MGST2: variants seen among roughly 807,000 people sequenced by gnomAD.
MGST2 encodes the protein glutathione peroxidase MGST2.
Under a neutral mutation model 16.6 loss-of-function variants are expected in MGST2, and 9 were observed. That is an observed-to-expected ratio of 0.54 (90% CI 0.33 to 0.95). MGST2 has a LOEUF of 0.95. Ranked by LOEUF, MGST2 falls within the 40% of genes least tolerant of loss-of-function variation. The probability of loss-of-function intolerance (pLI) is 0.03; values close to 1 mark genes in which losing one functional copy is unlikely to be tolerated. For synonymous variants in MGST2, 79 were observed against 68.0 expected (o/e 1.16, Z -0.79); for missense variants, 159 against 175.1 (o/e 0.91, Z 0.52).
At chr4:139,727,824 C>T (rs1382562310) in intron 5 of MGST2, among the ~76,000 whole-genome samples, 3 of 152,172 alleles carry the variant, frequency 2.0e-5, no homozygotes, top group Non-Finnish European at 4.4e-5. Context: ...TTTCAGGAAA[C>T]CCAAAATCTG....
At chr4:139,696,056 A>C (rs1262245438) in intron 3 of MGST2, among the ~76,000 whole-genome samples, 1 of 152,218 alleles carries the variant, frequency 6.6e-6, no homozygotes, top group Non-Finnish European at 1.5e-5. Context: ...GGAAAAGAAA[A>C]TGTTATTAAA....
Position 139,704,196 on chromosome 4 carries a change from G to A in MGST2, c.*48G>A. 6.3e-7 allele frequency: 1 copy of A among 1,592,220 alleles called. No individual in the cohort carries two copies. Among genetic ancestry groups the A allele is most frequent in the Non-Finnish European group, 8.6e-7 (1 of 1,160,182 alleles). ...TTGCAGAAGCTGTTCCCACCATGAA[G>A]GTAATATGGTATCATTTGTTAAATA... On this transcript the variant is annotated 3_prime_UTR_variant, in exon 5 of 5. Transcript: ENST00000265498.
At chr4:139,726,549 A>C (rs548636305) in intron 5 of MGST2, among the ~76,000 whole-genome samples, 1 of 152,296 alleles carries the variant, frequency 6.6e-6, no homozygotes, top group Admixed American at 6.5e-5. Flanking sequence ...CTGAGTTGAA[A>C]GGGACAAGCA....
chr4:139,732,654 A>G lies in MGST2; in HGVS notation c.*49-7558A>G, dbSNP rs931163825. 7.9e-5 allele frequency among the ~76,000 whole-genome samples: 12 copies of G among 151,638 alleles called. No individual in the cohort carries two copies. The East Asian group carries it at 1.7e-3, about 22-fold the overall frequency. On this transcript the variant is annotated intron_variant, in intron 5 of 5. Coordinates refer to the MGST2 transcript ENST00000616265. ...ACTTAAAATTAAAAAAAAAATTTCCATAAGTTATCGGGGTACAGGTGGTAT... is the reference window on the plus strand; with the variant it reads ...ACTTAAAATTAAAAAAAAAATTTCCGTAAGTTATCGGGGTACAGGTGGTAT...
At chr4:139,746,319 G>C in the MGST2 span, among the ~76,000 whole-genome samples, 1 of 152,168 alleles carries the variant, frequency 6.6e-6, no homozygotes, top group Non-Finnish European at 1.5e-5. Context: ...CAACCAGTTG[G>C]ACTGTTGAAA....
At chr4:139,666,448 C>T (rs1316061480) in intron 1 of MGST2, among the ~76,000 whole-genome samples, 5 of 152,072 alleles carry the variant, frequency 3.3e-5, no homozygotes, top group South Asian at 4.1e-4. Context: ...TACAAGTGTT[C>T]CAAAGGAAAC....
intron 5 of MGST2, among the ~76,000 whole-genome samples, chr4:139,716,356 A>ATTAC (rs765945867): frequency 3.9e-5 from 6 of 152,120 alleles, no homozygotes; most frequent in Non-Finnish European, 7.4e-5. Flanking sequence ...AAGAACCTTT[A>ATTAC]TTACTTCCCC....
chr4:139,713,391 ACCT>A (rs1193014604), intron 5 of MGST2, among the ~76,000 whole-genome samples: 1 of 143,036 alleles, frequency 7.0e-6, no homozygotes, highest in East Asian at 2.1e-4. Flanking sequence ...AGTCTGTGAC[ACCT>A]CCTTTGTTTT....
chr4:139,713,870 A>G (rs1470169279), intron 5 of MGST2, among the ~76,000 whole-genome samples: 1 of 152,240 alleles, frequency 6.6e-6, no homozygotes, highest in Non-Finnish European at 1.5e-5. Context: ...ATGAAAGTGC[A>G]CGATCTTAGC....
Position 139,704,156 on chromosome 4 carries a change from T to C in MGST2, c.*8T>C, listed in dbSNP as rs759317830. On this transcript the variant is annotated 3_prime_UTR_variant, in exon 5 of 5. Transcript: ENST00000265498. ...CTGAGGCGGCAATTCTAACTTTTTC[T>C]CTTCCCTTTAATACTTGCAGAAGCT... is the stretch of plus-strand genomic sequence containing the variant. 11 of 1,614,178 alleles carry C rather than the reference T, an allele frequency of 6.8e-6. No homozygotes were observed. The highest frequency in any genetic ancestry group is 9.3e-6 in the Non-Finnish European group (11 of 1,179,986).
intron 5 of MGST2, among the ~76,000 whole-genome samples, chr4:139,722,801 AATG>A (rs1728289054): frequency 6.6e-6 from 1 of 152,258 alleles, no homozygotes; most frequent in African/African-American, 2.4e-5. Flanking sequence ...TCTCTCCAAG[AATG>A]ATATTTCTTA....
At chr4:139,691,682 G>GATTATTATT (rs1491426688) in intron 2 of MGST2, among the ~76,000 whole-genome samples, 1 of 133,046 alleles carries the variant, frequency 7.5e-6, no homozygotes, top group African/African-American at 3.0e-5. Context: ...TGATGATGAT[G>GATTATTATT]ATGATGATGA....
intron 5 of MGST2, among the ~76,000 whole-genome samples, chr4:139,732,686 A>G (rs577515215): frequency 1.8e-4 from 28 of 152,142 alleles, no homozygotes; most frequent in African/African-American, 6.5e-4. Context: ...GTATTTGGTT[A>G]CATGAGTAAG....
chr4:139,736,158 TA>T (rs920921767), intron 5 of MGST2, among the ~76,000 whole-genome samples: 2 of 151,868 alleles, frequency 1.3e-5, no homozygotes, highest in Non-Finnish European at 2.9e-5. Flanking sequence ...TTGGGTCAAG[TA>T]AAAAAAAATT....
intron 3 of MGST2, among the ~76,000 whole-genome samples, chr4:139,699,609 C>T (rs1727125989): frequency 6.6e-6 from 1 of 152,180 alleles, no homozygotes; most frequent in South Asian, 2.1e-4. Flanking sequence ...AAGCCACCTC[C>T]TGCACAATCC....
intron 5 of MGST2, among the ~76,000 whole-genome samples, chr4:139,738,544 C>G (rs1292069639): frequency 6.6e-6 from 1 of 151,818 alleles, no homozygotes; most frequent in African/African-American, 2.4e-5. Context: ...CACTCTGTCT[C>G]AAACAAACAA....
chr4:139,677,829 C>T (rs771040161), intron 1 of MGST2, among the ~76,000 whole-genome samples: 12 of 152,086 alleles, frequency 7.9e-5, no homozygotes, highest in Non-Finnish European at 1.5e-4. Flanking sequence ...ATCAGATATG[C>T]GTTTGTCTCA....
chr4:139,746,686 C>T, the MGST2 span, among the ~76,000 whole-genome samples: 2 of 152,182 alleles, frequency 1.3e-5, no homozygotes, highest in African/African-American at 2.4e-5. Context: ...ACTGGACCTC[C>T]GCAGGCAGCC....
chr4:139,722,550 A>G (rs1728278870), intron 5 of MGST2, among the ~76,000 whole-genome samples: 1 of 152,250 alleles, frequency 6.6e-6, no homozygotes, highest in Admixed American at 6.5e-5. Flanking sequence ...ACAATGTCCA[A>G]GAAAATCTTG....
Sources: gnomAD v4.1 joint callset for allele counts (sites outside exome capture counted in the v4.1 genomes callset) on GRCh38, gnomAD v4.1.1 for gene constraint, MANE v1.5 for transcripts, NCBI Gene and HGNC (gene_info 2026-07-23, HGNC 2026-07-21) for gene names.